Variants in SCUBE1 observed in about 807,000 individuals in gnomAD.
The protein encoded by SCUBE1 is signal peptide, CUB domain and EGF like domain containing 1, also known as signal peptide, CUB and EGF-like domain-containing protein 1.
SCUBE1 carries 59 observed loss-of-function variants against 124.4 expected under a neutral mutation model. That is an observed-to-expected ratio of 0.47 (90% CI 0.38 to 0.59). SCUBE1 has a LOEUF of 0.59. Ranked by LOEUF, SCUBE1 falls within the 20% of genes least tolerant of loss-of-function variation. SCUBE1 has a pLI of 0.00. For missense variants in SCUBE1, 1,150 were observed against 1,371.2 expected, an observed-to-expected ratio of 0.84 and a Z score of 2.55; for synonymous variants, 545 against 550.9, an observed-to-expected ratio of 0.99 and a Z score of 0.15.
At chr22:43,337,631 C>A (rs1927127627) in intron 2 of SCUBE1, among the ~76,000 whole-genome samples, 1 of 152,208 alleles carries the variant, frequency 6.6e-6, no homozygotes, top group African/African-American at 2.4e-5. Context: ...GGGTTCTGGG[C>A]CCTGAGCGTG....
chr22:43,341,498 G>A (rs1010223541), intron 1 of SCUBE1, among the ~76,000 whole-genome samples: 1 of 152,206 alleles, frequency 6.6e-6, no homozygotes, highest in Admixed American at 6.5e-5. Flanking sequence ...AGGGGTGGGA[G>A]CCCCTTGTGC....
chr22:43,236,826 C>T (rs1922782906), intron 7 of SCUBE1, among the ~76,000 whole-genome samples: 1 of 152,220 alleles, frequency 6.6e-6, no homozygotes, highest in Non-Finnish European at 1.5e-5. Flanking sequence ...CTGTCTTCTG[C>T]ACTCAGTAGA....
intron 2 of SCUBE1, among the ~76,000 whole-genome samples, chr22:43,338,689 C>CATG (rs1927166321): frequency 1.3e-5 from 2 of 152,084 alleles, no homozygotes; most frequent in Admixed American, 6.5e-5. Flanking sequence ...CCACGCTCGG[C>CATG]TAACTTTTTT....
intron 2 of SCUBE1, among the ~76,000 whole-genome samples, chr22:43,325,497 G>T (rs1267151297): frequency 6.7e-6 from 1 of 148,580 alleles, no homozygotes; most frequent in Non-Finnish European, 1.5e-5. Flanking sequence ...AGTCATTAAG[G>T]AGAAAAGTGG....
At position 43,198,142 on chromosome 22, in the gene SCUBE1, G is replaced by A. The variant is rs188494523; in HGVS notation, c.*5855C>T. On this transcript the variant is annotated 3_prime_UTR_variant, in exon 22 of 22. Transcript: ENST00000360835. Reference sequence around the variant, plus strand: ...ACCCCACCATCTACATGGGGCTGGGGGGATGGAATGTGTGGATATTAGAGG... The same window carrying A: ...ACCCCACCATCTACATGGGGCTGGGAGGATGGAATGTGTGGATATTAGAGG... 4.6e-6 allele frequency: 1 copy of A among 216,418 alleles called. No homozygotes were observed. The highest frequency in any genetic ancestry group is 2.3e-5 in the African/African-American group (1 of 43,542). The allele number at this position is 216,418 out of a possible 1,614,324, so 13.4% of individuals were successfully genotyped here. A position where few individuals can be genotyped will look rare whatever the true frequency, so the allele number is the denominator to read the frequency against.
rs539912561 is a variant in SCUBE1, at chr22:43,249,407, C to T, written c.727+8812G>A. On this transcript the variant is annotated intron_variant, in intron 6 of 21. Coordinates refer to ENST00000360835, the MANE Select transcript of SCUBE1 (RefSeq NM_173050.5). ...CGATGAGAAGTGACATTGGCCATGC[C>T]GCTCAGGGTGGCTGTGCACTTAAAT... Among the ~76,000 whole-genome samples the T allele has an allele frequency of 4.6e-5, 7 of 152,230 alleles. No homozygotes were observed. The South Asian group carries it at 6.2e-4, about 14-fold the overall frequency.
At chr22:43,268,745 G>C (rs1924173619) in intron 4 of SCUBE1, among the ~76,000 whole-genome samples, 1 of 152,238 alleles carries the variant, frequency 6.6e-6, no homozygotes, top group South Asian at 2.1e-4. Context: ...TGCTGGCTAA[G>C]GGTGCAGATA....
At chr22:43,232,205 C>A in intron 7 of SCUBE1, 1 of 282,516 alleles carries the variant, frequency 3.5e-6, no homozygotes. Context: ...CAGCGACTCT[C>A]CCATGTCCTC....
Position 43,262,841 on chromosome 22 carries a change from A to T in SCUBE1, c.489T>A (p.Gly163=), listed in dbSNP as rs765812422. The change falls in exon 5 of 22, where the codon GGT becomes GGA. Residue 163 remains glycine (G), a synonymous_variant. Transcript: ENST00000360835. ...CATGGTCTTTGTTCATGCAGTTCAT[A>T]CCCTCTGGGAAGAGAGACAGACAAG... ...QHTCIHRSNE[G]MNCMNKDHGC... 7 of 1,610,664 alleles carry T rather than the reference A, an allele frequency of 4.3e-6. No homozygotes were observed. In the East Asian group the frequency reaches 1.6e-4, roughly 36 times the overall value.
Position 43,198,776 on chromosome 22 carries a change from G to T in SCUBE1, c.*5221C>A, listed in dbSNP as rs777606035. 23 of 450,594 alleles carry T rather than the reference G, an allele frequency of 5.1e-5. No individual in the cohort carries two copies. The highest frequency in any genetic ancestry group is 1.9e-4 in the Admixed American group (8 of 42,364). 27.9% of individuals were successfully genotyped at this position (450,594 alleles called of 1,614,324 possible). On this transcript the variant is annotated 3_prime_UTR_variant, in exon 22 of 22. Transcript: ENST00000360835. ...CCCTGTGGGGCATGCACTGTGGCAG[G>T]CAAGGTGAGCAGGCTGTCCAGGGCA...
intron 3 of SCUBE1, among the ~76,000 whole-genome samples, chr22:43,315,883 C>T (rs1194610195): frequency 6.6e-6 from 1 of 152,204 alleles, no homozygotes; most frequent in Non-Finnish European, 1.5e-5. Context: ...TGGCGTCAGG[C>T]TCTGGGGACA....
chr22:43,283,169 G>A (rs1360121996), intron 4 of SCUBE1: 1 of 152,262 alleles, frequency 6.6e-6, no homozygotes, highest in Non-Finnish European at 1.5e-5. Flanking sequence ...TATTGGGCAG[G>A]AAGGTTCCTC....
intron 2 of SCUBE1, among the ~76,000 whole-genome samples, chr22:43,333,976 C>G (rs1052746873): frequency 2.6e-5 from 4 of 152,196 alleles, no homozygotes; most frequent in Non-Finnish European, 4.4e-5. Flanking sequence ...GCCATGTCCT[C>G]GGGGCATGCT....
chr22:43,218,421 T>G lies in SCUBE1; in HGVS notation c.1725A>C (p.Glu575Asp). The G allele has an allele frequency of 1.9e-6, 3 of 1,613,014 alleles. No individual in the cohort carries two copies. The highest frequency in any genetic ancestry group is 2.5e-6 in the Non-Finnish European group (3 of 1,180,028). ...CEADCLRKRA[E>D]QSLQAAIKTL... ...TCTTGATGGCGGCCTGCAGGCTCTGTTCTGCTCGCTTCCGCAAGCAGTCCG... is the reference window on the plus strand; with the variant it reads ...TCTTGATGGCGGCCTGCAGGCTCTGGTCTGCTCGCTTCCGCAAGCAGTCCG... The change falls in exon 15 of 22, where the codon GAA (glutamate) becomes GAC (aspartate). Residue 575 changes from glutamate (E) to aspartate (D), a missense_variant. This residue lies in a region of SCUBE1 where 757 missense variants were observed against 840.9 expected (regional missense o/e 0.90). Transcript: ENST00000360835.
At chr22:43,307,630 G>A (rs915322087) in intron 3 of SCUBE1, among the ~76,000 whole-genome samples, 1 of 152,184 alleles carries the variant, frequency 6.6e-6, no homozygotes, top group Non-Finnish European at 1.5e-5. Context: ...AGGTCCAGAG[G>A]CTCCAGGAAC....
intron 6 of SCUBE1, among the ~76,000 whole-genome samples, chr22:43,257,322 A>AG: frequency 6.6e-6 from 1 of 152,244 alleles, no homozygotes. Flanking sequence ...TAAAAAAAAA[A>AG]TAACTGACTT....
At chr22:43,290,657 C>T (rs1391769952) in intron 4 of SCUBE1, among the ~76,000 whole-genome samples, 1 of 152,228 alleles carries the variant, frequency 6.6e-6, no homozygotes, top group Non-Finnish European at 1.5e-5. Flanking sequence ...TGCTGCCAGG[C>T]TCATGGAGAC....
chr22:43,202,405 T>C lies in SCUBE1; in HGVS notation c.*1592A>G, dbSNP rs1240038588. Reference sequence around the variant, plus strand: ...CATTTTCAGATTCTCCCAGGTTCCTTGGGATTTTCAGTATTTGTTAACCTG... The same window carrying C: ...CATTTTCAGATTCTCCCAGGTTCCTCGGGATTTTCAGTATTTGTTAACCTG... On this transcript the variant is annotated 3_prime_UTR_variant, in exon 22 of 22. Coordinates refer to ENST00000360835, the MANE Select transcript of SCUBE1 (RefSeq NM_173050.5). 1 of 152,220 alleles carries C rather than the reference T, an allele frequency of 6.6e-6. No homozygotes were observed. Among genetic ancestry groups the C allele is most frequent in the Non-Finnish European group, 1.5e-5 (1 of 68,044 alleles). The allele number at this position is 152,220 out of a possible 1,614,324, so 9.4% of individuals were successfully genotyped here. A position where few individuals can be genotyped will look rare whatever the true frequency, so the allele number is the denominator to read the frequency against.
chr22:43,317,340 G>A (rs114201142), intron 3 of SCUBE1, among the ~76,000 whole-genome samples: 2,403 of 152,250 alleles, frequency 0.016, 38 homozygotes, highest in African/African-American at 0.037. Context: ...AGTGGATTAC[G>A]CAGTTATCCC....
Sources: allele counts gnomAD v4.1 joint callset (sites outside exome capture counted in the v4.1 genomes callset), GRCh38; gene constraint gnomAD v4.1.1; regional missense constraint gnomAD v4.1.1; transcripts MANE v1.5; gene names NCBI Gene and HGNC (gene_info 2026-07-23, HGNC 2026-07-21).